The following LRRC4C variants were observed in gnomAD, a reference collection of about 807,000 sequenced individuals.
The protein encoded by LRRC4C is leucine-rich repeat-containing protein 4C.
LRRC4C carries 5 observed loss-of-function variants against 33.6 expected under a neutral mutation model. The ratio of observed to expected loss-of-function variants is 0.15; its 90% confidence interval spans 0.08 to 0.31. The LOEUF is 0.31. Among genes scored for constraint, LRRC4C ranks in the 10% least tolerant of loss-of-function variants. The pLI, the probability that LRRC4C is intolerant of heterozygous loss-of-function variation, is 1.00. For missense variants in LRRC4C, 560 were observed against 796.7 expected (o/e 0.70, Z 3.58); for synonymous variants, 329 against 302.0 (o/e 1.09, Z -0.93).
chr11:40,783,501 G>A (rs1240648068), intron 2 of LRRC4C, among the ~76,000 whole-genome samples: 1 of 151,640 alleles, frequency 6.6e-6, no homozygotes, highest in Non-Finnish European at 1.5e-5. Flanking sequence ...TAGAAATGAG[G>A]TTTCACCATG....
At chr11:40,132,274 G>C (rs1856695059) in intron 6 of LRRC4C, among the ~76,000 whole-genome samples, 1 of 152,186 alleles carries the variant, frequency 6.6e-6, no homozygotes, top group Admixed American at 6.5e-5. Flanking sequence ...AAATTTCTGA[G>C]AGTGAAAACC....
chr11:40,983,339 C>A (rs910827104), intron 1 of LRRC4C, among the ~76,000 whole-genome samples: 4 of 152,066 alleles, frequency 2.6e-5, no homozygotes, highest in Non-Finnish European at 5.9e-5. Flanking sequence ...AGGAACCCTT[C>A]CTTACATCAT....
At chr11:41,300,916 G>T (rs531092713) in intron 1 of LRRC4C, among the ~76,000 whole-genome samples, 1 of 152,240 alleles carries the variant, frequency 6.6e-6, no homozygotes, top group East Asian at 1.9e-4. Flanking sequence ...TATGGTAGAG[G>T]CAGAGAGAGG....
chr11:40,449,522 T>C (rs1951794713), intron 3 of LRRC4C, among the ~76,000 whole-genome samples: 1 of 152,194 alleles, frequency 6.6e-6, no homozygotes, highest in Non-Finnish European at 1.5e-5. Flanking sequence ...AGCCCTTTAT[T>C]TTAAAGCTAG....
chr11:41,339,533 AC>A (rs1389929005), intron 1 of LRRC4C, among the ~76,000 whole-genome samples: 2 of 152,168 alleles, frequency 1.3e-5, no homozygotes, highest in South Asian at 2.1e-4. Context: ...AGGAAAAAAA[AC>A]ATCCCTCTCC....
Position 40,934,838 on chromosome 11 carries a change from T to C in LRRC4C, c.-495-1115A>G, listed in dbSNP as rs574331950. Among the ~76,000 whole-genome samples, 6 of 152,274 alleles carry C rather than the reference T, an allele frequency of 3.9e-5. No homozygotes were observed. The East Asian group carries it at 9.6e-4, about 24-fold the overall frequency. On this transcript the variant is annotated intron_variant, in intron 1 of 6. Coordinates refer to ENST00000528697, the MANE Select transcript of LRRC4C (RefSeq NM_001258419.2). The stretch of plus-strand genomic sequence containing the variant: ...CAACTCTCTACTTGTTCTACACATT[T>C]AGAGTGCTAATAAGCTATTTATATT...
chr11:40,195,966 A>C (rs1310116071), intron 5 of LRRC4C, among the ~76,000 whole-genome samples: 1 of 152,206 alleles, frequency 6.6e-6, no homozygotes, highest in Non-Finnish European at 1.5e-5. Context: ...TGTCCAAAGT[A>C]AAAGTGAATG....
At chr11:40,645,349 A>G (rs1429274870) in intron 3 of LRRC4C, among the ~76,000 whole-genome samples, 1 of 152,100 alleles carries the variant, frequency 6.6e-6, no homozygotes, top group Non-Finnish European at 1.5e-5. Context: ...TGTGCTTTTT[A>G]TTAAATTACA....
chr11:41,385,673 T>A (rs1169170905), intron 1 of LRRC4C, among the ~76,000 whole-genome samples: 3 of 151,238 alleles, frequency 2.0e-5, no homozygotes, highest in Non-Finnish European at 4.4e-5. Context: ...TTAAAAACAC[T>A]AAAAATCTAA....
chr11:40,768,998 A>G (rs1949617842), intron 2 of LRRC4C, among the ~76,000 whole-genome samples: 1 of 152,110 alleles, frequency 6.6e-6, no homozygotes. Context: ...ATCAGAAAAT[A>G]TTAAAAATTA....
At chr11:40,598,615 C>T (rs1005480298) in intron 3 of LRRC4C, among the ~76,000 whole-genome samples, 6 of 152,160 alleles carry the variant, frequency 3.9e-5, no homozygotes, top group African/African-American at 1.4e-4. Context: ...CCAAATCCTC[C>T]ATCTCTTTCA....
intron 6 of LRRC4C, among the ~76,000 whole-genome samples, chr11:40,136,124 G>T (rs181934257): frequency 3.9e-5 from 6 of 152,104 alleles, no homozygotes. Context: ...ATGCATGTAA[G>T]CGTTGTCTGT....
intron 1 of LRRC4C, among the ~76,000 whole-genome samples, chr11:40,986,093 A>T (rs1852973316): frequency 6.6e-6 from 1 of 152,212 alleles, no homozygotes; most frequent in Non-Finnish European, 1.5e-5. Context: ...AGTTTTCCAC[A>T]TTATATTTGC....
At chr11:40,224,145 T>C (rs1864617789) in intron 5 of LRRC4C, among the ~76,000 whole-genome samples, 1 of 152,218 alleles carries the variant, frequency 6.6e-6, no homozygotes, top group African/African-American at 2.4e-5. Context: ...GAGCTTCCAA[T>C]ATTTCCCACG....
chr11:40,409,922 A>AAT (rs1234061163), intron 3 of LRRC4C, among the ~76,000 whole-genome samples: 1 of 152,118 alleles, frequency 6.6e-6, no homozygotes, highest in Non-Finnish European at 1.5e-5. Context: ...TTTTACAGTG[A>AAT]ATATATATTT....
chr11:41,155,729 C>T (rs940142214), intron 1 of LRRC4C, among the ~76,000 whole-genome samples: 2 of 152,108 alleles, frequency 1.3e-5, no homozygotes, highest in African/African-American at 2.4e-5. Flanking sequence ...ACTCACAGGA[C>T]GTTTCAAGAT....
At chr11:40,993,595 A>G (rs61887612) in intron 1 of LRRC4C, among the ~76,000 whole-genome samples, 4,236 of 152,242 alleles carry the variant, frequency 0.028, 57 homozygotes, top group Middle Eastern at 0.044. Flanking sequence ...GACACAGTTA[A>G]AAATTTCAGG....
chr11:40,712,502 T>C (rs991530341), intron 2 of LRRC4C, among the ~76,000 whole-genome samples: 1 of 152,144 alleles, frequency 6.6e-6, no homozygotes, highest in Admixed American at 6.5e-5. Flanking sequence ...TTGTAGTTCA[T>C]GGGAACAGAA....
At chr11:40,924,100 A>C (rs562525278) in intron 2 of LRRC4C, among the ~76,000 whole-genome samples, 5 of 144,798 alleles carry the variant, frequency 3.5e-5, no homozygotes, top group African/African-American at 1.3e-4. Flanking sequence ...GTGTGTGTGT[A>C]TGTGTGTGTG....
Sources: allele counts gnomAD v4.1 joint callset (sites outside exome capture counted in the v4.1 genomes callset), GRCh38; gene constraint gnomAD v4.1.1; transcripts MANE v1.5; gene names NCBI Gene and HGNC (gene_info 2026-07-23, HGNC 2026-07-21).